Variants in EFEMP1 observed in about 807,000 individuals in gnomAD.
The protein encoded by EFEMP1 is EGF-like fibulin extracellular matrix protein 1, also known as EGF-containing fibulin-like extracellular matrix protein 1.
EFEMP1 carries 18 observed loss-of-function variants against 65.7 expected under a neutral mutation model. That is an observed-to-expected ratio of 0.27 (90% confidence interval 0.19 to 0.41). The LOEUF is 0.41. Among genes scored for constraint, EFEMP1 ranks in the 10% least tolerant of loss-of-function variants. EFEMP1 has a pLI of 1.00. For missense variants in EFEMP1, 469 were observed against 624.8 expected (o/e 0.75, Z 2.66); for synonymous variants, 237 against 219.7 (o/e 1.08, Z -0.70).
At position 55,883,419 on chromosome 2, in the gene EFEMP1, A is replaced by T. The variant is rs1024733579; in HGVS notation, c.518-1685T>A. Among the ~76,000 whole-genome samples, 2 of 152,078 alleles carry T rather than the reference A, an allele frequency of 1.3e-5. No homozygotes were observed. Among genetic ancestry groups the T allele is most frequent in the African/African-American group, 4.8e-5 (2 of 41,402 alleles). ...AGATGCACTTGATGAAAACCTTTTT[A>T]CTGGGGTTTCTTCAGAGCTTTATGA... On this transcript the variant is annotated intron_variant, in intron 5 of 11. Coordinates refer to ENST00000355426, the MANE Select transcript of EFEMP1 (RefSeq NM_001039348.3). The surrounding 1 kb of genome is among the most constrained non-coding windows in gnomAD (Gnocchi z 4.5).
At chr2:55,907,481 A>C (rs1670324885) in intron 5 of EFEMP1, among the ~76,000 whole-genome samples, 1 of 152,244 alleles carries the variant, frequency 6.6e-6, no homozygotes, top group African/African-American at 2.4e-5. Context: ...TCTGAGGATT[A>C]AACAGCAAAC....
intron 5 of EFEMP1, among the ~76,000 whole-genome samples, chr2:55,892,043 TAACTCCTGAATATTAGC>T (rs1487632544): frequency 3.9e-5 from 6 of 152,098 alleles, no homozygotes; most frequent in Non-Finnish European, 4.4e-5. Flanking sequence ...AGCATTCAAA[TAACTCCTGAATATTAGC>T]TCAAGGAGTG....
chr2:55,868,699 T>A (rs2104364249), intron 11 of EFEMP1, among the ~76,000 whole-genome samples: 1 of 152,302 alleles, frequency 6.6e-6, no homozygotes, highest in South Asian at 2.1e-4. Flanking sequence ...ATTGCCCCAC[T>A]TCTATTTTCA....
chr2:55,873,686 A>T lies in EFEMP1; in HGVS notation c.1000+1260T>A, dbSNP rs1348639867. On this transcript the variant is annotated intron_variant, in intron 9 of 11. Transcript: ENST00000355426. The surrounding 1 kb of genome is among the most constrained non-coding windows in gnomAD (Gnocchi z 4.6). ...AGTCTCTAGTAACCTGGAAAGGGTT[A>T]TAAAGATGTTCATTGTGCAATGAAC... Among the ~76,000 whole-genome samples the T allele has an allele frequency of 6.6e-6, 1 of 152,118 alleles. No homozygotes were observed. Among genetic ancestry groups the T allele is most frequent in the East Asian group, 1.9e-4 (1 of 5,196 alleles).
At chr2:55,880,632 T>C (rs1669203833) in intron 6 of EFEMP1, among the ~76,000 whole-genome samples, 1 of 152,226 alleles carries the variant, frequency 6.6e-6, no homozygotes, top group Non-Finnish European at 1.5e-5. Context: ...TGACGCTGGT[T>C]GTCTGTCCCC....
In EFEMP1 at chr2:55,873,949, A is replaced by G. The variant is rs1464009039; in HGVS notation, c.1000+997T>C. Among the ~76,000 whole-genome samples the G allele has an allele frequency of 6.6e-6, 1 of 151,538 alleles. No homozygotes were observed. The highest frequency in any genetic ancestry group is 6.6e-5 in the Admixed American group (1 of 15,232). On this transcript the variant is annotated intron_variant, in intron 9 of 11. Coordinates refer to ENST00000355426, the MANE Select transcript of EFEMP1 (RefSeq NM_001039348.3). This position sits in a 1 kb window ranked among gnomAD's most constrained non-coding sequence, Gnocchi z 4.6. ...AAAAAGGACTCTCTACAGAAGACGT[A>G]CTACTGGTCACTTACATTGGTAAGT... is the stretch of plus-strand genomic sequence containing the variant.
chr2:55,890,986 G>A (rs1669609563), intron 5 of EFEMP1, among the ~76,000 whole-genome samples: 1 of 152,008 alleles, frequency 6.6e-6, no homozygotes, highest in South Asian at 2.1e-4. Context: ...GGGGGTACAT[G>A]TGCAGGTTTG....
chr2:55,916,107 ATT>A (rs576215544), intron 5 of EFEMP1, among the ~76,000 whole-genome samples: 115 of 129,388 alleles, frequency 8.9e-4, no homozygotes, highest in African/African-American at 2.9e-3. Flanking sequence ...AGTTTCCTTC[ATT>A]TTTTTTTTTT....
At chr2:55,895,397 C>A (rs949486342) in intron 5 of EFEMP1, among the ~76,000 whole-genome samples, 1 of 152,214 alleles carries the variant, frequency 6.6e-6, no homozygotes, top group Non-Finnish European at 1.5e-5. Flanking sequence ...CACATTCTTG[C>A]CACTTGTCTG....
chr2:55,910,361 G>C (rs1034993282), intron 5 of EFEMP1, among the ~76,000 whole-genome samples: 1 of 152,034 alleles, frequency 6.6e-6, no homozygotes, highest in African/African-American at 2.4e-5. Flanking sequence ...TTACCTCCTG[G>C]AAAAAGCAAC....
intron 9 of EFEMP1, among the ~76,000 whole-genome samples, chr2:55,874,634 C>T (rs945508812): frequency 6.6e-6 from 1 of 152,024 alleles, no homozygotes; most frequent in Admixed American, 6.6e-5. Context: ...ACAGGTGAAA[C>T]ATTTTAATAA....
rs1345570151 is a variant in EFEMP1, at chr2:55,923,494, C to A, written c.-49+217G>T. ...CTGGTTGTCGGCGCGCACACACATG[C>A]CCATCCCAACAGATGTCACCCGAGT... On this transcript the variant is annotated intron_variant, in intron 1 of 11. Coordinates refer to ENST00000355426, the MANE Select transcript of EFEMP1 (RefSeq NM_001039348.3). The surrounding 1 kb of genome is among the most constrained non-coding windows in gnomAD (Gnocchi z 5.3). 6.6e-6 allele frequency among the ~76,000 whole-genome samples: 1 copy of A among 152,182 alleles called. No individual in the cohort carries two copies. Among genetic ancestry groups the A allele is most frequent in the African/African-American group, 2.4e-5 (1 of 41,446 alleles).
At chr2:55,882,217 C>A (rs1346173870) in intron 5 of EFEMP1, among the ~76,000 whole-genome samples, 1 of 152,130 alleles carries the variant, frequency 6.6e-6, no homozygotes, top group Admixed American at 6.5e-5. Context: ...TTTCCATTGA[C>A]AAATTTCTAA....
In EFEMP1 at chr2:55,870,920, A is replaced by C. The variant is rs751279285; in HGVS notation, c.1125-5T>G. On this transcript the variant is annotated splice_polypyrimidine_tract_variant and splice_region_variant and intron_variant, in intron 10 of 11. Transcript: ENST00000355426. This position sits in a 1 kb window ranked among gnomAD's most constrained non-coding sequence, Gnocchi z 5.8. The stretch of plus-strand genomic sequence containing the variant: ...GAGACTGGGCAAACACATCGGCTGC[A>C]GAGACAAACAAAAGTATTCAGCAGT... 6 of 1,613,650 alleles carry C rather than the reference A, an allele frequency of 3.7e-6. No homozygotes were observed. The African/African-American group carries it at 8.0e-5, about 22-fold the overall frequency.
chr2:55,876,839 A>G (rs1017226702), intron 7 of EFEMP1, 97 bp from the exon 8 acceptor site: 2 of 684,486 alleles, frequency 2.9e-6, no homozygotes, highest in Non-Finnish European at 4.1e-6. Flanking sequence ...TTTTGTACCT[A>G]CGTCATCTGC....
Position 55,867,311 on chromosome 2 carries a change from C to T in EFEMP1, c.1321-77G>A. 2 of 1,496,362 alleles carry T rather than the reference C, an allele frequency of 1.3e-6. No individual in the cohort carries two copies. Among genetic ancestry groups the T allele is most frequent in the Non-Finnish European group, 1.8e-6 (2 of 1,099,592 alleles). 92.7% of individuals were successfully genotyped at this position (1,496,362 alleles called of 1,614,324 possible). On this transcript the variant is annotated intron_variant, in intron 11 of 11. Transcript: ENST00000355426. The surrounding 1 kb of genome is among the most constrained non-coding windows in gnomAD (Gnocchi z 4.3). ...GTTTCTATGCTTTGTTAGTATACCT[C>T]CTATAAGAATTAGGGGGAGAATTTT...
rs559130251 is a variant in EFEMP1 at position 55,885,251 on chromosome 2, G to A, written c.518-3517C>T. Among the ~76,000 whole-genome samples, 2 of 152,302 alleles carry A rather than the reference G, an allele frequency of 1.3e-5. No homozygotes were observed. Among genetic ancestry groups the A allele is most frequent in the South Asian group, 4.1e-4 (2 of 4,820 alleles). On this transcript the variant is annotated intron_variant, in intron 5 of 11. Transcript: ENST00000355426. This position sits in a 1 kb window ranked among gnomAD's most constrained non-coding sequence, Gnocchi z 4.3. ...TCTAGGCAGAAAGCAGCTCACATTAGAAAATGCTGATAAGACAAAACTGGT... is the reference window on the plus strand; with the variant it reads ...TCTAGGCAGAAAGCAGCTCACATTAAAAAATGCTGATAAGACAAAACTGGT...
chr2:55,910,925 A>G (rs1390808840), intron 5 of EFEMP1, among the ~76,000 whole-genome samples: 3 of 152,132 alleles, frequency 2.0e-5, no homozygotes, highest in African/African-American at 7.2e-5. Context: ...TTGTGGTTCT[A>G]CACAAACCGA....
In EFEMP1 at chr2:55,867,303, G is replaced by A. The variant is rs1572774552; in HGVS notation, c.1321-69C>T. On this transcript the variant is annotated intron_variant, in intron 11 of 11. Transcript: ENST00000355426. The surrounding 1 kb of genome is among the most constrained non-coding windows in gnomAD (Gnocchi z 4.3). Reference sequence around the variant, plus strand: ...GGATTGGAGTTTCTATGCTTTGTTAGTATACCTCCTATAAGAATTAGGGGG... The same window carrying A: ...GGATTGGAGTTTCTATGCTTTGTTAATATACCTCCTATAAGAATTAGGGGG... 1.3e-6 allele frequency: 2 copies of A among 1,523,274 alleles called. No individual in the cohort carries two copies. The highest frequency in any genetic ancestry group is 1.8e-6 in the Non-Finnish European group (2 of 1,116,630). 94.4% of individuals were successfully genotyped at this position (1,523,274 alleles called of 1,614,324 possible).
Sources: allele counts gnomAD v4.1 joint callset (sites outside exome capture counted in the v4.1 genomes callset), GRCh38; gene constraint gnomAD v4.1.1; non-coding constraint Gnocchi (gnomAD v3.1); transcripts MANE v1.5; gene names NCBI Gene and HGNC (gene_info 2026-07-23, HGNC 2026-07-21).